Variants in UBE2D2 observed in about 807,000 individuals in gnomAD.
UBE2D2 encodes the protein ubiquitin conjugating enzyme E2 D2, also known as ubiquitin-conjugating enzyme E2 D2.
UBE2D2 carries 2 observed loss-of-function variants against 24.2 expected under a neutral mutation model. The ratio of observed to expected loss-of-function variants is 0.08; its 90% CI spans 0.03 to 0.26. The LOEUF is 0.26. Ranked by LOEUF, UBE2D2 falls within the 10% of genes least tolerant of loss-of-function variation. The pLI, the probability that UBE2D2 is intolerant of heterozygous loss-of-function variation, is 1.00. For synonymous variants in UBE2D2, 58 were observed against 56.5 expected (o/e 1.03, Z -0.12); for missense variants, 44 against 177.6 (o/e 0.25, Z 4.28).
chr5:139,555,953 A>T (rs1752976559), intron 1 of UBE2D2, among the ~76,000 whole-genome samples: 1 of 147,508 alleles, frequency 6.8e-6, no homozygotes, highest in South Asian at 2.1e-4. Context: ...AAAAAAAAAA[A>T]AGGCCAGGCA....
chr5:139,605,598 A>G (rs1754180489), intron 2 of UBE2D2, among the ~76,000 whole-genome samples: 1 of 149,850 alleles, frequency 6.7e-6, no homozygotes, highest in African/African-American at 2.4e-5. Flanking sequence ...TCTCAAAAAA[A>G]AAAAAAAAAA....
intron 1 of UBE2D2, among the ~76,000 whole-genome samples, chr5:139,580,300 A>G (rs1753569086): frequency 6.6e-6 from 1 of 151,872 alleles, no homozygotes; most frequent in Non-Finnish European, 1.5e-5. Flanking sequence ...CCCGGGCTCA[A>G]GTGTTACGCC....
upstream of UBE2D2, among the ~76,000 whole-genome samples, chr5:139,556,939 A>G (rs1752988569): frequency 6.6e-6 from 1 of 150,972 alleles, no homozygotes; most frequent in Admixed American, 6.6e-5. Flanking sequence ...GGTTCAAGCA[A>G]TTCTCCTGCC....
intron 1 of UBE2D2, among the ~76,000 whole-genome samples, chr5:139,552,666 G>T (rs932157889): frequency 7.2e-6 from 1 of 139,000 alleles, no homozygotes; most frequent in Admixed American, 7.7e-5. Flanking sequence ...GTGCCACCAC[G>T]CTTGGCTAAT....
chr5:139,617,953 TA>T (rs34687149), intron 5 of UBE2D2, among the ~76,000 whole-genome samples: 2 of 151,168 alleles, frequency 1.3e-5, no homozygotes, highest in East Asian at 1.9e-4. Context: ...GACTCAATCT[TA>T]AAAAAAAATT....
intron 5 of UBE2D2, among the ~76,000 whole-genome samples, chr5:139,615,975 AC>A (rs1754413009): frequency 6.7e-6 from 1 of 149,992 alleles, no homozygotes; most frequent in East Asian, 2.0e-4. Flanking sequence ...AGCTGGGATT[AC>A]AGGCACCCGC....
intron 2 of UBE2D2, among the ~76,000 whole-genome samples, chr5:139,606,530 T>C (rs1254240453): frequency 6.6e-6 from 1 of 152,186 alleles, no homozygotes; most frequent in Non-Finnish European, 1.5e-5. Flanking sequence ...GAACTTCACA[T>C]TTAAACTCTC....
intron 1 of UBE2D2, among the ~76,000 whole-genome samples, chr5:139,546,817 TCTTCCTTCCTTCCTTCCTTC>T (rs59929319): frequency 0.028 from 3,875 of 138,396 alleles, 69 homozygotes; most frequent in African/African-American, 0.057. Context: ...CTTCTTTCTT[TCTTCCTTCCTTCCTTCCTTC>T]CTTCCTTCCT....
intron 1 of UBE2D2, among the ~76,000 whole-genome samples, chr5:139,598,936 T>C (rs1754013323): frequency 7.2e-6 from 1 of 139,560 alleles, no homozygotes; most frequent in South Asian, 2.4e-4. Flanking sequence ...TTTTTTTTTT[T>C]TTTTTTTTTG....
rs1754434662 is a variant in UBE2D2, at chr5:139,617,019, T to C, written c.304+2053T>C. Reference sequence around the variant, plus strand: ...CAACATGGCAAAACCCCATCTTTACTAAAAATACAAAAAATTAGCCAGGTG... The same window carrying C: ...CAACATGGCAAAACCCCATCTTTACCAAAAATACAAAAAATTAGCCAGGTG... On this transcript the variant is annotated intron_variant, in intron 5 of 6. Coordinates refer to ENST00000398733, the MANE Select transcript of UBE2D2 (RefSeq NM_003339.3). Among the ~76,000 whole-genome samples, 3 of 151,938 alleles carry C rather than the reference T, an allele frequency of 2.0e-5. No homozygotes were observed. The South Asian group carries it at 6.2e-4, about 32-fold the overall frequency.
chr5:139,544,607 C>CCA (rs111460156), intron 1 of UBE2D2, among the ~76,000 whole-genome samples: 2,699 of 145,460 alleles, frequency 0.019, 24 homozygotes, highest in Non-Finnish European at 0.02. Context: ...TGCATTCTAA[C>CCA]CACACACACA....
intron 1 of UBE2D2, among the ~76,000 whole-genome samples, chr5:139,549,429 C>T (rs1025741360): frequency 2.6e-5 from 4 of 152,324 alleles, no homozygotes; most frequent in African/African-American, 7.2e-5. Flanking sequence ...TTGGCGGCCC[C>T]GCACTCCGAG....
At chr5:139,566,259 T>TC (rs1443753638) in intron 1 of UBE2D2, among the ~76,000 whole-genome samples, 7 of 152,166 alleles carry the variant, frequency 4.6e-5, no homozygotes, top group African/African-American at 1.7e-4. Context: ...CGTCAGGAGA[T>TC]CCGTCCGTCT....
chr5:139,550,999 C>T (rs761220326), intron 1 of UBE2D2, among the ~76,000 whole-genome samples: 1 of 152,086 alleles, frequency 6.6e-6, no homozygotes, highest in Non-Finnish European at 1.5e-5. Flanking sequence ...CACCACTGAC[C>T]TTGGTATGGG....
At position 139,626,896 on chromosome 5, in the gene UBE2D2, C is replaced by A; in HGVS notation, c.*95C>A. 2 of 1,027,006 alleles carry A rather than the reference C, an allele frequency of 1.9e-6. No individual in the cohort carries two copies. The highest frequency in any genetic ancestry group is 3.0e-6 in the Non-Finnish European group (2 of 674,752). 63.6% of individuals were successfully genotyped at this position (1,027,006 alleles called of 1,614,324 possible). A position where few individuals can be genotyped will look rare whatever the true frequency, so the allele number is the denominator to read the frequency against. On this transcript the variant is annotated 3_prime_UTR_variant, in exon 7 of 7. Transcript: ENST00000398733. ...TTCCATTTGACTGCTTTCTATGAGC[C>A]CACGCCTCATCTTCCCCTGTGCACA...
intron 1 of UBE2D2, among the ~76,000 whole-genome samples, chr5:139,539,436 TA>T (rs1752727832): frequency 6.6e-6 from 1 of 152,062 alleles, no homozygotes; most frequent in South Asian, 2.1e-4. Context: ...CTTAGGGAGA[TA>T]GGGGTGTATG....
intron 1 of UBE2D2, among the ~76,000 whole-genome samples, chr5:139,537,764 A>AC (rs1374244358): frequency 6.6e-6 from 1 of 151,752 alleles, no homozygotes; most frequent in Non-Finnish European, 1.5e-5. Context: ...GGAGATTGAG[A>AC]CCATCCTGGC....
At chr5:139,616,957 A>C (rs1258574432) in intron 5 of UBE2D2, among the ~76,000 whole-genome samples, 1 of 152,180 alleles carries the variant, frequency 6.6e-6, no homozygotes, top group Non-Finnish European at 1.5e-5. Context: ...TGAGATGGGC[A>C]GATGACTTGA....
intron 2 of UBE2D2, among the ~76,000 whole-genome samples, chr5:139,603,659 T>C (rs1581523445): frequency 7.4e-6 from 1 of 135,004 alleles, no homozygotes. Context: ...CTGGGTGTGG[T>C]GTCTCACGTC....
Sources: allele counts gnomAD v4.1 joint callset (sites outside exome capture counted in the v4.1 genomes callset), GRCh38; gene constraint gnomAD v4.1.1; transcripts MANE v1.5; gene names NCBI Gene and HGNC (gene_info 2026-07-23, HGNC 2026-07-21).